The following EGF variants were observed in gnomAD, a reference collection of about 807,000 sequenced individuals.
The protein encoded by EGF is pro-epidermal growth factor.
In EGF, 95 loss-of-function variants were observed where a neutral mutation model predicts 143.8. That is an observed-to-expected ratio of 0.66 (90% CI 0.56 to 0.78). The LOEUF (loss-of-function observed/expected upper bound fraction) is 0.78. Ranked by LOEUF, EGF falls within the 30% of genes least tolerant of loss-of-function variation. The pLI is 0.00. For missense variants in EGF, 1,320 were observed against 1,470.9 expected (o/e 0.90, Z 1.68); for synonymous variants, 510 against 510.5 (o/e 1.00, Z 0.01).
chr4:109,932,348 C>T (rs1484563412), intron 1 of EGF, among the ~76,000 whole-genome samples: 1 of 99,612 alleles, frequency 1.0e-5, no homozygotes, highest in Non-Finnish European at 2.1e-5. Flanking sequence ...ACATGAAAAC[C>T]TCCCATTTAG....
At chr4:109,938,405 T>G (rs896588996) in intron 1 of EGF, among the ~76,000 whole-genome samples, 4 of 152,222 alleles carry the variant, frequency 2.6e-5, no homozygotes, top group African/African-American at 9.6e-5. Flanking sequence ...ATTCTAGTTA[T>G]CCATTTGTCT....
intron 20 of EGF, among the ~76,000 whole-genome samples, chr4:109,996,111 G>A (rs1176095853): frequency 6.6e-6 from 1 of 152,092 alleles, no homozygotes; most frequent in Non-Finnish European, 1.5e-5. Flanking sequence ...AAAAATAAAT[G>A]TCCGAATGTA....
chr4:109,923,823 G>T (rs1206962906), intron 1 of EGF, among the ~76,000 whole-genome samples: 1 of 151,384 alleles, frequency 6.6e-6, no homozygotes, highest in Non-Finnish European at 1.5e-5. Flanking sequence ...ATTTCGCCAT[G>T]TTGCCCAGGC....
At chr4:110,009,631 T>C (rs1323787872) in intron 23 of EGF, among the ~76,000 whole-genome samples, 1 of 152,258 alleles carries the variant, frequency 6.6e-6, no homozygotes, top group Middle Eastern at 3.4e-3. Context: ...GGGCCACTCA[T>C]ATAACTATCT....
At chr4:109,963,820 T>C (rs1414183673) in intron 9 of EGF, among the ~76,000 whole-genome samples, 1 of 152,226 alleles carries the variant, frequency 6.6e-6, no homozygotes, top group Admixed American at 6.5e-5. Flanking sequence ...AGGTTCATTA[T>C]GTTTTAAACA....
In EGF at chr4:109,932,599, C is replaced by T. The variant is rs181951920; in HGVS notation, c.128-8347C>T. ...TTCACCGTGTTAGCCAGGAAGGTCT[C>T]GATCTCCTGACCTCATGATCCGCCT... On this transcript the variant is annotated intron_variant, in intron 1 of 23. Transcript: ENST00000265171. Among the ~76,000 whole-genome samples, 996 of 151,530 alleles carry T rather than the reference C, an allele frequency of 6.6e-3. 16 individuals are homozygous for T. The highest frequency in any genetic ancestry group is 0.023 in the African/African-American group (940 of 41,322).
chr4:109,914,938 C>T (rs988251504), intron 1 of EGF, among the ~76,000 whole-genome samples: 8 of 152,080 alleles, frequency 5.3e-5, no homozygotes, highest in South Asian at 4.1e-4. Context: ...ATGGTTGGGC[C>T]GATCTATCAG....
Position 109,970,780 on chromosome 4 carries a change from G to A in EGF, c.1724+1661G>A, listed in dbSNP as rs187588059. Among the ~76,000 whole-genome samples the A allele has an allele frequency of 4.7e-3, 629 of 134,032 alleles. 2 individuals are homozygous for A. Among genetic ancestry groups the A allele is most frequent in the Admixed American group, 0.011 (137 of 12,096 alleles). 87.9% of individuals were successfully genotyped at this position (134,032 alleles called of 152,430 possible). On this transcript the variant is annotated intron_variant, in intron 11 of 23. Coordinates refer to ENST00000265171, the MANE Select transcript of EGF (RefSeq NM_001963.6). ...GCGGAGCTTGCAGTGAGCGGAGATC[G>A]CACCACTGCACTCCAGCCTGGGTGG...
chr4:109,927,510 G>T (rs887275016), intron 1 of EGF, among the ~76,000 whole-genome samples: 2 of 152,016 alleles, frequency 1.3e-5, no homozygotes, highest in Non-Finnish European at 1.5e-5. Context: ...GGATCACGAG[G>T]TCAGGAGATT....
intron 1 of EGF, among the ~76,000 whole-genome samples, chr4:109,914,640 A>G (rs1736289051): frequency 6.6e-6 from 1 of 152,232 alleles, no homozygotes; most frequent in Non-Finnish European, 1.5e-5. Flanking sequence ...AGCACCTAGG[A>G]CATTCCTGCT....
chr4:109,963,447 T>G, intron 9 of EGF, 149 bp downstream of exon 9: 11 of 913,638 alleles, frequency 1.2e-5, no homozygotes, highest in Non-Finnish European at 1.9e-5. Context: ...ATAATATGAG[T>G]AATAACAATA....
chr4:109,970,876 G>T (rs1034592398), intron 11 of EGF, among the ~76,000 whole-genome samples: 1 of 149,896 alleles, frequency 6.7e-6, no homozygotes, highest in Non-Finnish European at 1.5e-5. Context: ...GTATGATATG[G>T]TTATCAGTTA....
intron 1 of EGF, among the ~76,000 whole-genome samples, chr4:109,937,441 T>C (rs988664301): frequency 5.9e-5 from 9 of 151,914 alleles, no homozygotes; most frequent in Non-Finnish European, 1.3e-4. Context: ...TCTTTGCACA[T>C]GAGATGGGCC....
At chr4:110,011,115 G>C (rs779220561) in intron 23 of EGF, 87 bp from the exon 24 acceptor site, 88 of 1,505,440 alleles carry the variant, frequency 5.8e-5, no homozygotes, top group Non-Finnish European at 7.6e-5. Context: ...TTTCAGGCCA[G>C]TTCTTCAACC....
intron 1 of EGF, among the ~76,000 whole-genome samples, chr4:109,921,678 G>T (rs1432399810): frequency 6.6e-6 from 1 of 151,556 alleles, no homozygotes; most frequent in African/African-American, 2.4e-5. Context: ...TCCATGAGGT[G>T]GTTCTTTCTG....
intron 19 of EGF, among the ~76,000 whole-genome samples, chr4:109,993,701 C>G (rs1011027792): frequency 6.6e-6 from 1 of 152,048 alleles, no homozygotes; most frequent in Non-Finnish European, 1.5e-5. Context: ...CTAGGCAGGT[C>G]GGTGAGAATG....
At chr4:109,980,598 C>A in intron 14 of EGF, 1 of 552,292 alleles carries the variant, frequency 1.8e-6, no homozygotes, top group Non-Finnish European at 3.2e-6. Context: ...GAAAAAAGTG[C>A]TGGCTATACC....
chr4:109,933,930 A>G (rs1560646529), intron 1 of EGF, among the ~76,000 whole-genome samples: 1 of 152,180 alleles, frequency 6.6e-6, no homozygotes, highest in Non-Finnish European at 1.5e-5. Context: ...TCCTTTGGGT[A>G]TATATCCAGT....
chr4:109,980,714 G>T, intron 14 of EGF, 112 bp from the exon 15 acceptor site: 1 of 1,184,106 alleles, frequency 8.4e-7, no homozygotes, highest in East Asian at 2.4e-5. Context: ...TAGATACACT[G>T]CATTTCTCTC....
Sources: gnomAD v4.1 joint callset for allele counts (sites outside exome capture counted in the v4.1 genomes callset) on GRCh38, gnomAD v4.1.1 for gene constraint, MANE v1.5 for transcripts, NCBI Gene and HGNC (gene_info 2026-07-23, HGNC 2026-07-21) for gene names.